Variants in TRPC5 observed in about 807,000 individuals in gnomAD.
The protein encoded by TRPC5 is transient receptor potential cation channel subfamily C member 5.
TRPC5 carries 9 observed loss-of-function variants against 56.5 expected under a neutral mutation model. That is an observed-to-expected ratio of 0.16 (90% CI 0.10 to 0.28). The LOEUF (loss-of-function observed/expected upper bound fraction) is 0.28, where lower values mean the gene tolerates loss of function less well. TRPC5 is among the 10% of genes least tolerant of loss of function. The pLI is 1.00. For synonymous variants in TRPC5, 282 were observed against 278.5 expected, an observed-to-expected ratio of 1.01 and a Z score of -0.13; for missense variants, 469 against 748.9, an observed-to-expected ratio of 0.63 and a Z score of 4.36.
chrX:111,842,132 G>GTATATATATATATTATATATATACATA (rs1406226710), intron 6 of TRPC5, among the ~76,000 whole-genome samples: 1 of 77,201 alleles, frequency 1.3e-5, no homozygotes, highest in African/African-American at 1.2e-4. Flanking sequence ...ATATATATAT[G>GTATATATATATATTATATATATACATA]TATATATATA....
At chrX:112,062,705 A>G (rs1334407091) in intron 1 of TRPC5, among the ~76,000 whole-genome samples, 2 of 111,978 alleles carry the variant, frequency 1.8e-5, no homozygotes, top group Non-Finnish European at 3.8e-5. Flanking sequence ...GAAAGATCAT[A>G]CTCAAAACGT....
chrX:111,969,044 A>T (rs1023298756), intron 1 of TRPC5, among the ~76,000 whole-genome samples: 9 of 109,590 alleles, frequency 8.2e-5, no homozygotes, highest in African/African-American at 2.6e-4. Context: ...AAAATAAATA[A>T]ATAACAAAAC....
chrX:111,781,123 A>G lies in TRPC5; in HGVS notation c.2142+42T>C, dbSNP rs1004969202. Reference sequence around the variant, plus strand: ...AAGTTTGCTTCTCCTCCACAGAACCAGCCAACAACTATTGTGCTTCATCCC... The same window carrying G: ...AAGTTTGCTTCTCCTCCACAGAACCGGCCAACAACTATTGTGCTTCATCCC... On this transcript the variant is annotated intron_variant, in intron 9 of 10. Transcript: ENST00000262839. 4.3e-6 allele frequency: 5 copies of G among 1,174,857 alleles called. No homozygotes were observed. In the Admixed American group the frequency reaches 1.1e-4, roughly 26 times the overall value.
At chrX:111,881,146 G>GTTTAT (rs747702186) in intron 3 of TRPC5, among the ~76,000 whole-genome samples, 6,977 of 101,059 alleles carry the variant, frequency 0.069, 381 homozygotes, top group East Asian at 0.14. Context: ...ATTTTCTTTT[G>GTTTAT]TTTATTTTAT....
At chrX:111,876,981 G>C (rs1246125172) in intron 3 of TRPC5, among the ~76,000 whole-genome samples, 1 of 111,627 alleles carries the variant, frequency 9.0e-6, no homozygotes, top group Non-Finnish European at 1.9e-5. Context: ...TGTTCTCGGA[G>C]TTCATTCTGT....
intron 2 of TRPC5, among the ~76,000 whole-genome samples, chrX:111,944,303 T>TGTGTGAGAAA (rs1173179815): frequency 4.9e-5 from 3 of 61,392 alleles, no homozygotes; most frequent in African/African-American, 3.2e-4. Flanking sequence ...TGTGTGTGTG[T>TGTGTGAGAAA]GAGAGAGAGA....
intron 2 of TRPC5, among the ~76,000 whole-genome samples, chrX:111,920,443 C>T (rs1926098295): frequency 9.0e-6 from 1 of 111,383 alleles, no homozygotes. Flanking sequence ...TACAAGTTAA[C>T]CCAGTGCTGT....
chrX:112,050,360 A>T (rs1397298974), intron 1 of TRPC5, among the ~76,000 whole-genome samples: 1 of 112,634 alleles, frequency 8.9e-6, no homozygotes, highest in African/African-American at 3.2e-5. Context: ...ACATGGTATG[A>T]CATGAAAGAC....
intron 1 of TRPC5, among the ~76,000 whole-genome samples, chrX:112,019,480 G>A (rs1929213046): frequency 9.2e-6 from 1 of 108,909 alleles, no homozygotes; most frequent in African/African-American, 3.3e-5. Flanking sequence ...CTGTCGCCCA[G>A]GCTGGAGTGC....
At chrX:112,077,805 T>C (rs1026346481) in intron 1 of TRPC5, among the ~76,000 whole-genome samples, 1 of 112,181 alleles carries the variant, frequency 8.9e-6, no homozygotes, top group Non-Finnish European at 1.9e-5. Flanking sequence ...GGTAAGAATA[T>C]CCGTCTGCAA....
intron 3 of TRPC5, among the ~76,000 whole-genome samples, chrX:111,855,723 C>A (rs188174451): frequency 1.5e-4 from 17 of 112,228 alleles, no homozygotes; most frequent in Non-Finnish European, 2.8e-4. Context: ...CCTATAGTCC[C>A]TTTCTACTCT....
At chrX:111,850,591 G>A (rs1569526543) in intron 5 of TRPC5, among the ~76,000 whole-genome samples, 1 of 111,809 alleles carries the variant, frequency 8.9e-6, no homozygotes, top group Non-Finnish European at 1.9e-5. Flanking sequence ...AATTTTGCAT[G>A]TGGCCTGTCT....
chrX:111,844,289 C>T (rs912682144), intron 6 of TRPC5, among the ~76,000 whole-genome samples: 2 of 110,405 alleles, frequency 1.8e-5, no homozygotes, highest in Admixed American at 1.9e-4. Flanking sequence ...ATGATAATGT[C>T]TTTCTAATTG....
At chrX:111,966,843 G>A (rs1401914393) in intron 1 of TRPC5, among the ~76,000 whole-genome samples, 1 of 111,646 alleles carries the variant, frequency 9.0e-6, no homozygotes, top group Non-Finnish European at 1.9e-5. Context: ...AATAATAAGA[G>A]CTATCTGTGA....
At chrX:112,054,904 G>A (rs1930307544) in intron 1 of TRPC5, among the ~76,000 whole-genome samples, 1 of 110,906 alleles carries the variant, frequency 9.0e-6, no homozygotes, top group Non-Finnish European at 1.9e-5. Flanking sequence ...AGTTACCATA[G>A]GACAGGATAT....
At chrX:112,053,447 A>ACTTG (rs1187056101) in intron 1 of TRPC5, among the ~76,000 whole-genome samples, 4 of 111,792 alleles carry the variant, frequency 3.6e-5, no homozygotes, top group African/African-American at 1.3e-4. Flanking sequence ...CTATCACAGA[A>ACTTG]CTTGGTCTGT....
intron 1 of TRPC5, among the ~76,000 whole-genome samples, chrX:112,014,637 A>G (rs1929074749): frequency 8.9e-6 from 1 of 112,266 alleles, no homozygotes; most frequent in Admixed American, 9.5e-5. Flanking sequence ...TGCTTGGTGC[A>G]TAGCAGACAT....
chrX:112,039,712 C>T (rs1291650458), intron 1 of TRPC5, among the ~76,000 whole-genome samples: 3 of 111,100 alleles, frequency 2.7e-5, no homozygotes, highest in Non-Finnish European at 3.8e-5. Flanking sequence ...CCTCTATTAC[C>T]GTCATACAGA....
chrX:111,827,141 C>T (rs1603046362), intron 7 of TRPC5, among the ~76,000 whole-genome samples: 1 of 111,571 alleles, frequency 9.0e-6, no homozygotes, highest in Non-Finnish European at 1.9e-5. Flanking sequence ...TAATATAGCA[C>T]ATTGTCTTGA....
Sources: allele counts gnomAD v4.1 joint callset (sites outside exome capture counted in the v4.1 genomes callset), GRCh38; gene constraint gnomAD v4.1.1; transcripts MANE v1.5; gene names NCBI Gene and HGNC (gene_info 2026-07-23, HGNC 2026-07-21).